Variants in TRPC6 observed in about 807,000 individuals in gnomAD.
The protein encoded by TRPC6 is short transient receptor potential channel 6.
A neutral mutation model predicts 90.7 loss-of-function variants in TRPC6; 55 were observed. The observed-to-expected ratio is 0.61, with a 90% CI of 0.49 to 0.76. TRPC6 has a LOEUF of 0.76. TRPC6 is among the 30% of genes least tolerant of loss of function. TRPC6 has a pLI of 0.00. For missense variants in TRPC6, 989 were observed against 1,122.7 expected (o/e 0.88, Z 1.70); for synonymous variants, 393 against 393.0 (o/e 1.00, Z 0.00).
intron 1 of TRPC6, among the ~76,000 whole-genome samples, chr11:101,539,376 C>T (rs1041964723): frequency 6.6e-6 from 1 of 152,190 alleles, no homozygotes; most frequent in African/African-American, 2.4e-5. Context: ...ACTGCCTGGG[C>T]CTTCTAGTAA....
At chr11:101,559,949 A>G (rs951718945) in intron 1 of TRPC6, among the ~76,000 whole-genome samples, 1 of 152,022 alleles carries the variant, frequency 6.6e-6, no homozygotes, top group East Asian at 1.9e-4. Context: ...CCATGTCCCT[A>G]CAAAGGTTTT....
chr11:101,494,714 T>A, intron 2 of TRPC6, among the ~76,000 whole-genome samples: 1 of 152,192 alleles, frequency 6.6e-6, no homozygotes, highest in Non-Finnish European at 1.5e-5. Flanking sequence ...AGAACCCACA[T>A]GGACTGAAAA....
chr11:101,503,978 T>C, intron 2 of TRPC6, 46 bp downstream of exon 2: 3 of 1,613,066 alleles, frequency 1.9e-6, no homozygotes, highest in Non-Finnish European at 2.5e-6. Flanking sequence ...AAATACACCT[T>C]GACTCTGGCT....
intron 1 of TRPC6, among the ~76,000 whole-genome samples, chr11:101,518,320 T>C (rs888149800): frequency 2.0e-5 from 3 of 152,190 alleles, no homozygotes; most frequent in South Asian, 4.1e-4. Flanking sequence ...AACCAGAATA[T>C]ATAAAGTGCT....
At chr11:101,476,649 G>A in intron 5 of TRPC6, 115 bp from the exon 6 acceptor site, 1 of 905,568 alleles carries the variant, frequency 1.1e-6, no homozygotes. Flanking sequence ...TTCAAAATTT[G>A]GTCCCAACCT....
rs1266067196 is a variant in TRPC6, at chr11:101,451,885, A to C, written c.*1070T>G. The C allele has an allele frequency of 6.6e-6, 1 of 152,218 alleles. No homozygotes were observed. The highest frequency in any genetic ancestry group is 1.5e-5 in the Non-Finnish European group (1 of 68,040). The allele number at this position is 152,218 out of a possible 1,614,324, so 9.4% of individuals were successfully genotyped here. A position where few individuals can be genotyped will look rare whatever the true frequency, so the allele number is the denominator to read the frequency against. On this transcript the variant is annotated 3_prime_UTR_variant, in exon 13 of 13. Coordinates refer to ENST00000344327, the MANE Select transcript of TRPC6 (RefSeq NM_004621.6). ...TTCATCGCTTTTAGTTGTTTAAGACACCACTTCACATGATCAGTAAGTAAC... is the reference window on the plus strand; with the variant it reads ...TTCATCGCTTTTAGTTGTTTAAGACCCCACTTCACATGATCAGTAAGTAAC...
intron 1 of TRPC6, among the ~76,000 whole-genome samples, chr11:101,527,569 C>T (rs1860807388): frequency 1.3e-5 from 2 of 152,054 alleles, no homozygotes; most frequent in Non-Finnish European, 2.9e-5. Context: ...GGGTGGTGTG[C>T]ACACATGCAT....
At chr11:101,453,566 T>C (rs1858813147) in intron 12 of TRPC6, 84 bp downstream of exon 12, 1 of 1,281,468 alleles carries the variant, frequency 7.8e-7, no homozygotes, top group African/African-American at 1.5e-5. Context: ...CCTGTACGCA[T>C]CTCTGCAGCT....
chr11:101,551,486 T>A (rs1861448297), intron 1 of TRPC6, among the ~76,000 whole-genome samples: 1 of 151,022 alleles, frequency 6.6e-6, no homozygotes, highest in African/African-American at 2.4e-5. Context: ...ATACAAATTA[T>A]TCTACTAAGA....
At chr11:101,509,754 T>C (rs1453353542) in intron 1 of TRPC6, among the ~76,000 whole-genome samples, 1 of 152,148 alleles carries the variant, frequency 6.6e-6, no homozygotes, top group Non-Finnish European at 1.5e-5. Context: ...TCTGTCTTAG[T>C]TGTTGTGACC....
intron 10 of TRPC6, among the ~76,000 whole-genome samples, chr11:101,464,131 A>G (rs1181462828): frequency 6.6e-6 from 1 of 152,070 alleles, no homozygotes; most frequent in East Asian, 1.9e-4. Context: ...TTAATTTCTT[A>G]ATTTGACTGC....
At chr11:101,511,848 C>A (rs1860401004) in intron 1 of TRPC6, among the ~76,000 whole-genome samples, 1 of 151,930 alleles carries the variant, frequency 6.6e-6, no homozygotes, top group Non-Finnish European at 1.5e-5. Flanking sequence ...CAAAAATTAG[C>A]CAGGCATGGT....
chr11:101,549,589 CAT>C lies in TRPC6; in HGVS notation c.170+33743_170+33744del, dbSNP rs570672962. The stretch of plus-strand genomic sequence containing the variant: ...CAATAAAAAGTGGCAGAGAGAAAAA[CAT>C]ATTGAATAAGGGAGAAAAGAGGAGT... On this transcript the variant is annotated intron_variant, in intron 1 of 12. Coordinates refer to ENST00000344327, the MANE Select transcript of TRPC6 (RefSeq NM_004621.6). 1.7e-3 allele frequency among the ~76,000 whole-genome samples: 253 copies of C among 150,472 alleles called. 2 individuals carry two copies. The highest frequency in any genetic ancestry group is 3.6e-3 in the Middle Eastern group (1 of 274).
intron 2 of TRPC6, among the ~76,000 whole-genome samples, chr11:101,500,053 A>ATG (rs1491530540): frequency 9.2e-6 from 1 of 108,116 alleles, no homozygotes; most frequent in Admixed American, 8.9e-5. Context: ...ACAATATAAA[A>ATG]TATGTGTGTG....
In TRPC6 at chr11:101,562,087, T is replaced by C. The variant is rs72974377; in HGVS notation, c.170+21247A>G. Among the ~76,000 whole-genome samples, 603 of 152,178 alleles carry C rather than the reference T, an allele frequency of 4.0e-3. 3 individuals carry two copies. The highest frequency in any genetic ancestry group is 8.3e-3 in the Admixed American group (127 of 15,262). On this transcript the variant is annotated intron_variant, in intron 1 of 12. Coordinates refer to ENST00000344327, the MANE Select transcript of TRPC6 (RefSeq NM_004621.6). ...GTGAACCTGTGGTAAATGAATATCC[T>C]GGGAAACTAAAAATTCAAACTACCT...
chr11:101,456,282 A>T (rs2136640959), intron 10 of TRPC6, among the ~76,000 whole-genome samples: 1 of 152,312 alleles, frequency 6.6e-6, no homozygotes, highest in Non-Finnish European at 1.5e-5. Flanking sequence ...TCTGACAATG[A>T]AGGAAGTGGT....
At chr11:101,488,818 A>T (rs1006225224) in intron 4 of TRPC6, 119 bp downstream of exon 4, 1 of 1,109,566 alleles carries the variant, frequency 9.0e-7, no homozygotes, top group Non-Finnish European at 1.3e-6. Flanking sequence ...TGTTAAAAAC[A>T]ATAAAGATTA....
At chr11:101,469,357 ATC>A (rs1324040485) in intron 10 of TRPC6, 68 bp downstream of exon 10, 2 of 716,642 alleles carry the variant, frequency 2.8e-6, no homozygotes, top group Non-Finnish European at 5.2e-6. Context: ...GCTTCTGAAC[ATC>A]TGTCCCTTTC....
chr11:101,469,019 G>A (rs537694776), intron 10 of TRPC6, among the ~76,000 whole-genome samples: 1 of 152,096 alleles, frequency 6.6e-6, no homozygotes, highest in African/African-American at 2.4e-5. Flanking sequence ...AGCCATTAAG[G>A]TCCCACAGTG....
Sources: allele counts gnomAD v4.1 joint callset (sites outside exome capture counted in the v4.1 genomes callset), GRCh38; gene constraint gnomAD v4.1.1; transcripts MANE v1.5; gene names NCBI Gene and HGNC (gene_info 2026-07-23, HGNC 2026-07-21).